PRICKLE2: variants seen among roughly 807,000 people sequenced by gnomAD.
PRICKLE2 encodes prickle-like protein 2.
PRICKLE2 carries 21 observed loss-of-function variants against 81.4 expected under a neutral mutation model. The ratio of observed to expected loss-of-function variants is 0.26; its 90% CI spans 0.18 to 0.37. The LOEUF (loss-of-function observed/expected upper bound fraction) is 0.37. PRICKLE2 is among the 10% of genes least tolerant of loss of function. PRICKLE2 has a pLI of 1.00. For synonymous variants in PRICKLE2, 456 were observed against 421.5 expected (o/e 1.08, Z -1.00); for missense variants, 940 against 1,109.0 (o/e 0.85, Z 2.16).
At chr3:64,115,221 G>T (rs2076915642) in intron 7 of PRICKLE2, among the ~76,000 whole-genome samples, 1 of 152,160 alleles carries the variant, frequency 6.6e-6, no homozygotes, top group Non-Finnish European at 1.5e-5. Context: ...GCAAAGGAAA[G>T]ACCATTACCA....
At chr3:64,142,641 A>C (rs1397435441) in intron 7 of PRICKLE2, among the ~76,000 whole-genome samples, 1 of 152,162 alleles carries the variant, frequency 6.6e-6, no homozygotes, top group Non-Finnish European at 1.5e-5. Context: ...TCTAAAATGC[A>C]AACCTGCACA....
chr3:64,216,049 T>G (rs913885592), intron 1 of PRICKLE2, among the ~76,000 whole-genome samples: 53 of 152,214 alleles, frequency 3.5e-4, no homozygotes, highest in African/African-American at 1.3e-3. Context: ...ATCAGGTAAC[T>G]CTCTCCTTCT....
At chr3:64,232,175 G>C (rs142333177) in intron 2 of PRICKLE2, among the ~76,000 whole-genome samples, 50 of 152,210 alleles carry the variant, frequency 3.3e-4, no homozygotes, top group African/African-American at 1.2e-3. Flanking sequence ...TAGTTATGAT[G>C]ATCCATCCTT....
intron 7 of PRICKLE2, chr3:64,102,824 T>C (rs1223903984): frequency 6.6e-6 from 1 of 152,146 alleles, no homozygotes; most frequent in South Asian, 2.1e-4. Context: ...TTATGCTAAA[T>C]TTACTGTGGT....
chr3:64,255,287 T>C (rs954688501), intron 2 of PRICKLE2, among the ~76,000 whole-genome samples: 4 of 152,198 alleles, frequency 2.6e-5, no homozygotes, highest in African/African-American at 7.2e-5. Flanking sequence ...AGAAAAAGTT[T>C]GGTAGAATCT....
At chr3:64,210,169 G>A (rs1227833235) in intron 1 of PRICKLE2, among the ~76,000 whole-genome samples, 9 of 152,042 alleles carry the variant, frequency 5.9e-5, no homozygotes, top group South Asian at 4.1e-4. Flanking sequence ...AGGAAACTTC[G>A]CGTCCTCCCT....
intron 5 of PRICKLE2, chr3:64,154,748 G>C (rs1359744237): frequency 6.6e-6 from 1 of 152,106 alleles, no homozygotes; most frequent in Non-Finnish European, 1.5e-5. Context: ...GGACATCATC[G>C]AGTAAGTGAA....
intron 1 of PRICKLE2, among the ~76,000 whole-genome samples, chr3:64,220,734 C>T (rs752280292): frequency 1.3e-5 from 2 of 152,116 alleles, no homozygotes; most frequent in East Asian, 1.9e-4. Context: ...TTCCAACCAG[C>T]GACATCTCTG....
intron 2 of PRICKLE2, among the ~76,000 whole-genome samples, chr3:64,244,081 T>A (rs2079310228): frequency 1.3e-5 from 2 of 152,172 alleles, no homozygotes; most frequent in Admixed American, 6.5e-5. Context: ...ACAGAAAAAC[T>A]AACAGGATGA....
rs546769335 is a variant in PRICKLE2, at chr3:64,128,416, G to A, written c.1660+18414C>T. 2.7e-4 allele frequency among the ~76,000 whole-genome samples: 41 copies of A among 152,280 alleles called. No individual in the cohort carries two copies. The South Asian group carries it at 7.9e-3, about 29-fold the overall frequency. On this transcript the variant is annotated intron_variant, in intron 7 of 7. Coordinates refer to ENST00000638394, the MANE Select transcript of PRICKLE2 (RefSeq NM_198859.4). ...ATGGCTAATGCTTCCCTGCCTAGAA[G>A]AGAACTGTAGAGCAAGGGGAGGGGC... is the stretch of plus-strand genomic sequence containing the variant.
chr3:64,178,988 TTTCTTTCTTTC>T (rs2078073422), intron 2 of PRICKLE2, among the ~76,000 whole-genome samples: 1 of 143,530 alleles, frequency 7.0e-6, no homozygotes, highest in African/African-American at 2.7e-5. Flanking sequence ...TCTTTCTTTC[TTTCTTTCTTTC>T]TTTCTTTCTT....
At chr3:64,100,814 T>A (rs1229100892) in intron 7 of PRICKLE2, 2 of 152,204 alleles carry the variant, frequency 1.3e-5, no homozygotes, top group Non-Finnish European at 2.9e-5. Context: ...CAGGCAGAGC[T>A]CTCTAAGGAG....
rs1424568294 is a variant in PRICKLE2, at chr3:64,223,385, C to T, written c.-41+1525G>A. Among the ~76,000 whole-genome samples, 3 of 152,322 alleles carry T rather than the reference C, an allele frequency of 2.0e-5. No individual in the cohort carries two copies. The East Asian group carries it at 5.8e-4, about 29-fold the overall frequency. On this transcript the variant is annotated intron_variant, in intron 1 of 7. Coordinates refer to ENST00000638394, the MANE Select transcript of PRICKLE2 (RefSeq NM_198859.4). ...TTTAAGTATCTTCAGCTCTTTCCAGCTCCAGAGTCTGAGCCCTGGATAAAT... is the reference window on the plus strand; with the variant it reads ...TTTAAGTATCTTCAGCTCTTTCCAGTTCCAGAGTCTGAGCCCTGGATAAAT...
intron 1 of PRICKLE2, among the ~76,000 whole-genome samples, chr3:64,213,380 T>C (rs2078822916): frequency 6.6e-6 from 1 of 152,190 alleles, no homozygotes; most frequent in Admixed American, 6.5e-5. Context: ...TGCCCGGCCA[T>C]GACTTTCTTT....
chr3:64,099,581 T>C lies in PRICKLE2; in HGVS notation c.2005A>G (p.Thr669Ala). Residue 669 changes from threonine to alanine, a missense_variant, in exon 8 of 8, where the codon ACC becomes GCC. Thr to Ala is a moderately conservative substitution (Grantham distance 58). Around this residue, in one of 2 missense-constraint regions of PRICKLE2, gnomAD observed 670 missense variants for 717.2 expected, o/e 0.93. Coordinates refer to ENST00000638394, the MANE Select transcript of PRICKLE2 (RefSeq NM_198859.4). This position sits in a 1 kb window ranked among gnomAD's most constrained non-coding sequence, Gnocchi z 4.3. The stretch of plus-strand genomic sequence containing the variant: ...TCGCGTGAAGTAGCTCTTCTCCGGG[T>C]GCGTTCACTCATGGGCTGGATCCTC... ...GVRIQPMSER[T>A]RRRATSRDDN... is the part of the protein sequence containing the mutation. 6.2e-7 allele frequency: 1 copy of C among 1,613,436 alleles called. No homozygotes were observed. Among genetic ancestry groups the C allele is most frequent in the Non-Finnish European group, 8.5e-7 (1 of 1,179,800 alleles).
At chr3:64,236,957 G>A (rs1055049784) in intron 2 of PRICKLE2, among the ~76,000 whole-genome samples, 1 of 152,206 alleles carries the variant, frequency 6.6e-6, no homozygotes, top group Non-Finnish European at 1.5e-5. Context: ...CTCTGCATCT[G>A]AGTGAAATGG....
At chr3:64,108,058 T>C (rs528864955) in intron 7 of PRICKLE2, among the ~76,000 whole-genome samples, 3 of 152,234 alleles carry the variant, frequency 2.0e-5, no homozygotes, top group Non-Finnish European at 4.4e-5. Flanking sequence ...CTGCCTGTTT[T>C]TGTAAATAAA....
At chr3:64,201,383 T>C (rs1433997948) in intron 1 of PRICKLE2, among the ~76,000 whole-genome samples, 2 of 152,216 alleles carry the variant, frequency 1.3e-5, no homozygotes, top group Non-Finnish European at 2.9e-5. Context: ...TGTTCCATTT[T>C]CTCCATATTC....
chr3:64,243,560 T>C (rs1293426556), intron 2 of PRICKLE2, among the ~76,000 whole-genome samples: 2 of 152,318 alleles, frequency 1.3e-5, no homozygotes, highest in African/African-American at 2.4e-5. Flanking sequence ...TGGGTAGAAA[T>C]CTCAGCTCTG....
Sources: allele counts gnomAD v4.1 joint callset (sites outside exome capture counted in the v4.1 genomes callset), GRCh38; gene constraint gnomAD v4.1.1; regional missense constraint gnomAD v4.1.1; non-coding constraint Gnocchi (gnomAD v3.1); transcripts MANE v1.5; gene names NCBI Gene and HGNC (gene_info 2026-07-23, HGNC 2026-07-21).